Variants in COL23A1 observed in about 807,000 individuals in gnomAD.
COL23A1 encodes the protein collagen type XXIII alpha 1 chain.
Under a neutral mutation model 99.3 loss-of-function variants are expected in COL23A1, and 97 were observed. The ratio of observed to expected loss-of-function variants is 0.98; its 90% CI spans 0.83 to 1.16. The LOEUF is 1.16. COL23A1 is among the 50% of genes most tolerant of loss of function. The probability of loss-of-function intolerance (pLI) is 0.00; values close to 1 mark genes in which losing one functional copy is unlikely to be tolerated. For missense variants in COL23A1, 762 were observed against 757.4 expected, an observed-to-expected ratio of 1.01 and a Z score of -0.07; for synonymous variants, 320 against 308.2, an observed-to-expected ratio of 1.04 and a Z score of -0.40.
intron 2 of COL23A1, among the ~76,000 whole-genome samples, chr5:178,324,094 C>T (rs995868709): frequency 2.1e-4 from 32 of 152,086 alleles, no homozygotes; most frequent in African/African-American, 7.2e-4. Context: ...AGCTCCTTTC[C>T]CTCTTGAGGT....
chr5:178,281,040 A>G lies in COL23A1; in HGVS notation c.441+7284T>C, dbSNP rs1448487526. ...TAGGGCCCTGGGGAGAACGGCCAGCATGGTGGCCCTGGTTGCATCTCCCTG... is the reference window on the plus strand; with the variant it reads ...TAGGGCCCTGGGGAGAACGGCCAGCGTGGTGGCCCTGGTTGCATCTCCCTG... On this transcript the variant is annotated intron_variant, in intron 5 of 28. Transcript: ENST00000390654. The surrounding 1 kb of genome is among the most constrained non-coding windows in gnomAD (Gnocchi z 4.0). 1.3e-5 allele frequency among the ~76,000 whole-genome samples: 2 copies of G among 152,128 alleles called. No homozygotes were observed. The highest frequency in any genetic ancestry group is 1.3e-4 in the Admixed American group (2 of 15,286).
chr5:178,551,757 A>C (rs766290059), intron 2 of COL23A1, among the ~76,000 whole-genome samples: 3 of 150,346 alleles, frequency 2.0e-5, no homozygotes, highest in Non-Finnish European at 3.0e-5. Flanking sequence ...TGCCCTGAGC[A>C]CCCCCTCAGG....
At chr5:178,523,590 T>C (rs1436296762) in intron 2 of COL23A1, 1 of 152,096 alleles carries the variant, frequency 6.6e-6, no homozygotes, top group African/African-American at 2.4e-5. Context: ...ATGGAAATCT[T>C]CATCTCTGTG....
rs200801407 is a variant in COL23A1, at chr5:178,256,893, G to T, written c.810C>A (p.Asn270Lys). 1 of 1,613,506 alleles carries T rather than the reference G, an allele frequency of 6.2e-7. No homozygotes were observed. The change falls in exon 14 of 29, where the codon AAC becomes AAA. Residue 270 changes from asparagine (N) to lysine (K), a missense_variant. Physicochemically the swap from Asn to Lys is moderately conservative, Grantham distance 94 (BLOSUM62 0). Coordinates refer to ENST00000390654, the MANE Select transcript of COL23A1 (RefSeq NM_173465.4). ...TCGGTCCTGGGGCACCGTCCACACC[G>T]TTCTCTCCCCGAGGCCCCATGCTCC... is the stretch of plus-strand genomic sequence containing the variant. ...EPGSMGPRGE[N>K]GVDGAPGPKG...
chr5:178,393,495 A>G (rs1052237186), intron 2 of COL23A1, among the ~76,000 whole-genome samples: 39 of 152,186 alleles, frequency 2.6e-4, no homozygotes, highest in Non-Finnish European at 2.2e-4. Flanking sequence ...TGAACTGTAC[A>G]CTTAAAAATG....
At chr5:178,572,016 C>T (rs1471188801) in intron 1 of COL23A1, among the ~76,000 whole-genome samples, 3 of 143,932 alleles carry the variant, frequency 2.1e-5, no homozygotes, top group African/African-American at 5.3e-5. Flanking sequence ...TGCAATGAGC[C>T]GAGATTGCGC....
In COL23A1 at chr5:178,415,862, G is replaced by A. The variant is rs1042671026; in HGVS notation, c.362-108943C>T. ...ACATCAGGGGCAGGATAAGGGAGAG[G>A]AGGTACTGGGTGAGGCCAGGGAGGG... is the stretch of plus-strand genomic sequence containing the variant. On this transcript the variant is annotated intron_variant, in intron 2 of 28. Transcript: ENST00000390654. The surrounding 1 kb of genome is among the most constrained non-coding windows in gnomAD (Gnocchi z 4.6). Among the ~76,000 whole-genome samples, 2 of 152,180 alleles carry A rather than the reference G, an allele frequency of 1.3e-5. No individual in the cohort carries two copies. Among genetic ancestry groups the A allele is most frequent in the Non-Finnish European group, 2.9e-5 (2 of 68,048 alleles).
Position 178,261,768 on chromosome 5 carries a change from G to C in COL23A1, c.676-20C>G. 6.3e-7 allele frequency: 1 copy of C among 1,598,472 alleles called. No homozygotes were observed. The highest frequency in any genetic ancestry group is 8.6e-7 in the Non-Finnish European group (1 of 1,165,530). On this transcript the variant is annotated intron_variant, in intron 10 of 28. Coordinates refer to ENST00000390654, the MANE Select transcript of COL23A1 (RefSeq NM_173465.4). ...TGGGCCCTGGAACAAGAGAAGAGAAGGTGTTAAATGTCATACTGGAGGCTG... is the reference window on the plus strand; with the variant it reads ...TGGGCCCTGGAACAAGAGAAGAGAACGTGTTAAATGTCATACTGGAGGCTG...
intron 26 of COL23A1, 42 bp downstream of exon 26, chr5:178,242,299 C>T (rs1764445618): frequency 6.2e-7 from 1 of 1,600,986 alleles, no homozygotes; most frequent in South Asian, 1.1e-5. Flanking sequence ...CTGCCTCCTT[C>T]CCCCTCTCCT....
chr5:178,266,605 A>C (rs1355587557), intron 8 of COL23A1, among the ~76,000 whole-genome samples: 1 of 152,144 alleles, frequency 6.6e-6, no homozygotes, highest in Non-Finnish European at 1.5e-5. Context: ...TCAGCAGCTA[A>C]AACTCAGCAT....
intron 27 of COL23A1, among the ~76,000 whole-genome samples, chr5:178,240,456 C>T (rs996748979): frequency 1.3e-5 from 2 of 152,230 alleles, no homozygotes; most frequent in African/African-American, 4.8e-5. Context: ...GGCCAGGCCG[C>T]CTACCGCAGG....
intron 16 of COL23A1, 95 bp downstream of exon 16, chr5:178,254,854 G>T (rs1765220804): frequency 9.2e-7 from 1 of 1,088,998 alleles, no homozygotes; most frequent in Non-Finnish European, 1.4e-6. Flanking sequence ...CTGGTCCCTT[G>T]TGTAAAAAAG....
At chr5:178,355,615 C>G (rs995227928) in intron 2 of COL23A1, among the ~76,000 whole-genome samples, 1 of 152,034 alleles carries the variant, frequency 6.6e-6, no homozygotes, top group African/African-American at 2.4e-5. Flanking sequence ...TCACTGCAAC[C>G]GCCGCCTCCT....
At chr5:178,530,279 G>A (rs1760569742) in intron 2 of COL23A1, among the ~76,000 whole-genome samples, 1 of 152,064 alleles carries the variant, frequency 6.6e-6, no homozygotes, top group African/African-American at 2.4e-5. Context: ...TGAGCAATAT[G>A]GCAAGACTCC....
chr5:178,290,306 G>T, intron 4 of COL23A1, 56 bp downstream of exon 4: 1 of 1,612,860 alleles, frequency 6.2e-7, no homozygotes, highest in South Asian at 1.1e-5. Flanking sequence ...TTGCAACAGA[G>T]AGAGAACCAA....
Position 178,581,967 on chromosome 5 carries a change from G to A in COL23A1, c.294+7937C>T, listed in dbSNP as rs895790539. On this transcript the variant is annotated intron_variant, in intron 1 of 28. Coordinates refer to ENST00000390654, the MANE Select transcript of COL23A1 (RefSeq NM_173465.4). ...TTGCGCAGAAAGTTAAACAGCCCTT[G>A]GTTTAGGATGGTAAGATTATAGGGT... 2.0e-5 allele frequency among the ~76,000 whole-genome samples: 3 copies of A among 152,174 alleles called. No individual in the cohort carries two copies. The South Asian group carries it at 6.2e-4, about 32-fold the overall frequency.
chr5:178,282,393 C>T (rs984075913), intron 5 of COL23A1, among the ~76,000 whole-genome samples: 1 of 152,170 alleles, frequency 6.6e-6, no homozygotes, highest in Non-Finnish European at 1.5e-5. Flanking sequence ...GGGCTGGATA[C>T]AGACAGGTAT....
intron 2 of COL23A1, among the ~76,000 whole-genome samples, chr5:178,488,497 G>A (rs925801378): frequency 2.0e-5 from 3 of 151,868 alleles, no homozygotes; most frequent in African/African-American, 4.8e-5. Context: ...TTCCCTCACC[G>A]CCACCGCCAT....
At chr5:178,288,785 G>A (rs762775307) in intron 4 of COL23A1, among the ~76,000 whole-genome samples, 1 of 147,480 alleles carries the variant, frequency 6.8e-6, no homozygotes, top group African/African-American at 2.4e-5. Flanking sequence ...AGCCTTAGAA[G>A]CCAGGAATAT....
Sources: allele counts gnomAD v4.1 joint callset (sites outside exome capture counted in the v4.1 genomes callset), GRCh38; gene constraint gnomAD v4.1.1; non-coding constraint Gnocchi (gnomAD v3.1); transcripts MANE v1.5; gene names NCBI Gene and HGNC (gene_info 2026-07-23, HGNC 2026-07-21).